The following RNF141 variants were observed in gnomAD, a reference collection of about 807,000 sequenced individuals.
RNF141 encodes the protein C3HC4-like zinc finger protein.
Under a neutral mutation model 27.4 loss-of-function variants are expected in RNF141, and 18 were observed. That is an observed-to-expected ratio of 0.66 (90% confidence interval 0.45 to 0.97). RNF141 has a LOEUF of 0.97. RNF141 is among the 50% of genes least tolerant of loss of function. RNF141 has a pLI of 0.00. For synonymous variants in RNF141, 97 were observed against 96.6 expected, an observed-to-expected ratio of 1.00 and a Z score of -0.02; for missense variants, 230 against 279.4, an observed-to-expected ratio of 0.82 and a Z score of 1.26.
At chr11:10,540,079 C>T (rs1485155379) in intron 1 of RNF141, among the ~76,000 whole-genome samples, 1 of 152,084 alleles carries the variant, frequency 6.6e-6, no homozygotes, top group Non-Finnish European at 1.5e-5. Context: ...AGCATCACTT[C>T]TCAGACGGGT....
At chr11:10,528,171 CTT>C (rs1380285846) in intron 3 of RNF141, among the ~76,000 whole-genome samples, 11 of 152,068 alleles carry the variant, frequency 7.2e-5, no homozygotes, top group African/African-American at 1.9e-4. Context: ...AAGAAAAAGA[CTT>C]AATGTAAATA....
chr11:10,518,693 A>C, intron 5 of RNF141: 1 of 175,220 alleles, frequency 5.7e-6, no homozygotes. Context: ...CCAGTATTCA[A>C]GAATTTATTC....
At chr11:10,530,887 T>G (rs571038817) in intron 2 of RNF141, 136 bp from the exon 3 acceptor site, 6 of 516,620 alleles carry the variant, frequency 1.2e-5, no homozygotes, top group Non-Finnish European at 3.4e-6. Context: ...TAATAATGAT[T>G]ATAATAACTG....
rs183401903 is a variant in RNF141, at chr11:10,515,711, T to C, written c.543-645A>G. The C allele has an allele frequency of 8.5e-4, 130 of 152,342 alleles. 1 individual carries two copies. Among genetic ancestry groups the C allele is most frequent in the African/African-American group, 3.0e-3 (125 of 41,570 alleles). 9.4% of individuals were successfully genotyped at this position (152,342 alleles called of 1,614,324 possible). A position where few individuals can be genotyped will look rare whatever the true frequency, so the allele number is the denominator to read the frequency against. On this transcript the variant is annotated intron_variant, in intron 5 of 5. Coordinates refer to ENST00000265981, the MANE Select transcript of RNF141 (RefSeq NM_016422.4). The stretch of plus-strand genomic sequence containing the variant: ...AATATGACAAGAAGAAAGGATATTA[T>C]TAATTATTTTTCTAAGAAATATCTA...
intron 1 of RNF141, 62 bp from the exon 2 acceptor site, chr11:10,534,267 T>C: frequency 2.5e-6 from 3 of 1,198,870 alleles, no homozygotes; most frequent in Non-Finnish European, 3.5e-6. Context: ...ATACTCATTC[T>C]TCAAAAACAT....
intron 4 of RNF141, among the ~76,000 whole-genome samples, chr11:10,520,909 C>G (rs1188717621): frequency 6.6e-6 from 1 of 152,208 alleles, no homozygotes; most frequent in African/African-American, 2.4e-5. Flanking sequence ...AATTTATTCA[C>G]TATGTGTAAC....
At chr11:10,526,584 C>A (rs1022991572) in intron 3 of RNF141, among the ~76,000 whole-genome samples, 2 of 152,030 alleles carry the variant, frequency 1.3e-5, no homozygotes, top group Non-Finnish European at 2.9e-5. Flanking sequence ...GAGATTGAGA[C>A]CATCCTGGCT....
intron 3 of RNF141, among the ~76,000 whole-genome samples, chr11:10,528,578 A>G (rs1165913402): frequency 6.6e-6 from 1 of 152,218 alleles, no homozygotes; most frequent in African/African-American, 2.4e-5. Context: ...AGCCTGATAT[A>G]TTCGTATTCC....
In RNF141 at chr11:10,525,339, C is replaced by T. The variant is rs1290916837; in HGVS notation, c.287G>A (p.Arg96Gln). 6.2e-6 allele frequency: 10 copies of T among 1,601,008 alleles called. No individual in the cohort carries two copies. Among genetic ancestry groups the T allele is most frequent in the Non-Finnish European group, 8.5e-6 (10 of 1,173,956 alleles). The stretch of plus-strand genomic sequence containing the variant: ...AATAAACTGGTATAAATTCATGATC[C>T]GTGATGCCTCCACAATGCCACTGCT... Reference protein sequence around the residue: ...NKSSGIVEASRIMNLYQFIQL... With the variant: ...NKSSGIVEASQIMNLYQFIQL... Residue 96 changes from arginine to glutamine, a missense_variant, in exon 4 of 6, where the codon CGG (arginine) becomes CAG (glutamine). Coordinates refer to ENST00000265981, the MANE Select transcript of RNF141 (RefSeq NM_016422.4).
intron 3 of RNF141, among the ~76,000 whole-genome samples, chr11:10,530,227 A>G (rs190298219): frequency 6.6e-6 from 1 of 152,350 alleles, no homozygotes; most frequent in Admixed American, 6.5e-5. Flanking sequence ...CTAAAAAACA[A>G]AAAAACTCTT....
chr11:10,535,357 T>C (rs61176581), intron 1 of RNF141, among the ~76,000 whole-genome samples: 2 of 145,986 alleles, frequency 1.4e-5, no homozygotes, highest in Non-Finnish European at 1.5e-5. Flanking sequence ...AATTGTAATT[T>C]AAAAAAAAAA....
chr11:10,524,618 A>G (rs1281929805), intron 4 of RNF141, among the ~76,000 whole-genome samples: 1 of 152,226 alleles, frequency 6.6e-6, no homozygotes, highest in Non-Finnish European at 1.5e-5. Flanking sequence ...TGCCAAAAGC[A>G]TAACAGAGAA....
At chr11:10,535,137 A>G (rs1850022895) in intron 1 of RNF141, among the ~76,000 whole-genome samples, 2 of 151,840 alleles carry the variant, frequency 1.3e-5, no homozygotes, top group Admixed American at 6.6e-5. Flanking sequence ...CATATCACAT[A>G]AAGCAGGTGA....
intron 3 of RNF141, among the ~76,000 whole-genome samples, chr11:10,530,087 C>T (rs1849972505): frequency 6.6e-6 from 1 of 151,986 alleles, no homozygotes; most frequent in South Asian, 2.1e-4. Context: ...AAATTCATGC[C>T]TTCATTTAAT....
In RNF141 at chr11:10,514,467, C is replaced by T. The variant is rs1849827159; in HGVS notation, c.*449G>A. 6.5e-6 allele frequency: 1 copy of T among 153,064 alleles called. No homozygotes were observed. Among genetic ancestry groups the T allele is most frequent in the African/African-American group, 2.4e-5 (1 of 41,432 alleles). 9.5% of individuals were successfully genotyped at this position (153,064 alleles called of 1,614,324 possible). A position where few individuals can be genotyped will look rare whatever the true frequency, so the allele number is the denominator to read the frequency against. ...CAGAAAGACTAGTTTTAAGTAGTAA[C>T]ATGCACGTTGAAGTATTCTACATTT... On this transcript the variant is annotated 3_prime_UTR_variant, in exon 6 of 6. Coordinates refer to ENST00000265981, the MANE Select transcript of RNF141 (RefSeq NM_016422.4).
At chr11:10,525,825 A>G (rs1347136373) in intron 3 of RNF141, among the ~76,000 whole-genome samples, 1 of 152,200 alleles carries the variant, frequency 6.6e-6, no homozygotes, top group East Asian at 1.9e-4. Flanking sequence ...CAAAACTTCT[A>G]AACTAAAGCA....
At chr11:10,535,466 A>C (rs1263151041) in intron 1 of RNF141, among the ~76,000 whole-genome samples, 9 of 29,756 alleles carry the variant, frequency 3.0e-4, no homozygotes, top group Non-Finnish European at 4.7e-4. Context: ...TCCAGGCCAA[A>C]AAAAAAAAAA....
At chr11:10,534,556 C>T (rs1194970895) in intron 1 of RNF141, among the ~76,000 whole-genome samples, 1 of 151,998 alleles carries the variant, frequency 6.6e-6, no homozygotes, top group African/African-American at 2.4e-5. Flanking sequence ...TATAATTTTC[C>T]TAAGAACATT....
chr11:10,522,836 G>A (rs1849900898), intron 4 of RNF141, among the ~76,000 whole-genome samples: 1 of 152,110 alleles, frequency 6.6e-6, no homozygotes, highest in Admixed American at 6.5e-5. Flanking sequence ...ATCCTATAAA[G>A]CATATACTAC....
Sources: gnomAD v4.1 joint callset for allele counts (sites outside exome capture counted in the v4.1 genomes callset) on GRCh38, gnomAD v4.1.1 for gene constraint, MANE v1.5 for transcripts, NCBI Gene and HGNC (gene_info 2026-07-23, HGNC 2026-07-21) for gene names.